The following EBPL variants were observed in gnomAD, a reference collection of about 807,000 sequenced individuals.
The protein encoded by EBPL is emopamil-binding protein-like.
EBPL carries 20 observed loss-of-function variants against 19.0 expected under a neutral mutation model. That is an observed-to-expected ratio of 1.05 (90% CI 0.74 to 1.53). The LOEUF (loss-of-function observed/expected upper bound fraction) is 1.53, where lower values mean the gene tolerates loss of function less well. EBPL is among the 40% of genes most tolerant of loss of function. The pLI is 0.00. For missense variants in EBPL, 219 were observed against 261.1 expected (o/e 0.84, Z 1.11); for synonymous variants, 107 against 117.0 (o/e 0.91, Z 0.55).
intron 1 of EBPL, among the ~76,000 whole-genome samples, chr13:49,670,180 T>G (rs1011945944): frequency 2.6e-5 from 4 of 152,214 alleles, no homozygotes; most frequent in African/African-American, 9.7e-5. Context: ...CTCTAGATTA[T>G]TCCAGGGATC....
At chr13:49,674,215 GC>G (rs1225723395) in intron 1 of EBPL, among the ~76,000 whole-genome samples, 2 of 152,092 alleles carry the variant, frequency 1.3e-5, no homozygotes, top group African/African-American at 4.8e-5. Context: ...CAATTCTCCT[GC>G]CTCAGCCTCC....
chr13:49,686,877 C>A (rs1268283916), intron 1 of EBPL, among the ~76,000 whole-genome samples: 1 of 152,132 alleles, frequency 6.6e-6, no homozygotes, highest in East Asian at 1.9e-4. Flanking sequence ...CTCACTGCAG[C>A]CTCAATCTCC....
intron 1 of EBPL, among the ~76,000 whole-genome samples, chr13:49,690,085 G>A (rs912694311): frequency 6.6e-6 from 1 of 151,086 alleles, no homozygotes; most frequent in African/African-American, 2.4e-5. Context: ...AAGGGGCGGA[G>A]GTTGCAGTGA....
intron 1 of EBPL, among the ~76,000 whole-genome samples, chr13:49,690,502 T>C (rs1252926381): frequency 1.4e-5 from 2 of 140,658 alleles, no homozygotes; most frequent in Non-Finnish European, 1.6e-5. Flanking sequence ...TGCGCGTGTG[T>C]GGTGGGGGGC....
intron 1 of EBPL, among the ~76,000 whole-genome samples, chr13:49,688,713 C>T (rs1270732443): frequency 1.8e-4 from 20 of 114,150 alleles, no homozygotes; most frequent in African/African-American, 6.0e-4. Flanking sequence ...AGCGAGACTC[C>T]GTCTCAAAAA....
chr13:49,675,234 G>A (rs774265747), intron 1 of EBPL, among the ~76,000 whole-genome samples: 4 of 152,156 alleles, frequency 2.6e-5, no homozygotes, highest in South Asian at 2.1e-4. Context: ...AAACCTGTAC[G>A]GCATTACTGT....
intron 2 of EBPL, among the ~76,000 whole-genome samples, chr13:49,668,733 T>C (rs889695029): frequency 3.3e-5 from 5 of 152,110 alleles, no homozygotes; most frequent in Admixed American, 6.5e-5. Flanking sequence ...TAATTGAATA[T>C]TGACTGACAA....
In EBPL at chr13:49,663,052, C is replaced by A. The variant is rs1463728001; in HGVS notation, c.380+5G>T. On this transcript the variant is annotated splice_donor_5th_base_variant and intron_variant, in intron 3 of 3. Transcript: ENST00000242827. ...CTTCCAGCAGGACAGAAGAAGGGCACCTACCGGTAATATTTTTCTTTGACT... is the reference window on the plus strand; with the variant it reads ...CTTCCAGCAGGACAGAAGAAGGGCAACTACCGGTAATATTTTTCTTTGACT... 2 of 1,613,338 alleles carry A rather than the reference C, an allele frequency of 1.2e-6. No individual in the cohort carries two copies. The highest frequency in any genetic ancestry group is 3.3e-5 in the Admixed American group (2 of 59,984).
chr13:49,686,636 G>C, intron 1 of EBPL: 1 of 1,285,814 alleles, frequency 7.8e-7, no homozygotes, highest in Non-Finnish European at 1.0e-6. Context: ...TTATTCCTCA[G>C]CTCTTTCACC....
chr13:49,663,159 T>C lies in EBPL; in HGVS notation c.278A>G (p.Tyr93Cys). ...EYGKADARWV[Y>C]FDPTIVSVEI... ...CACAGACACAATGGTTGGATCAAAA[T>C]AAACCCATCTTGCATCAGCTTTGCC... Residue 93 changes from tyrosine (Y) to cysteine (C), a missense_variant, in exon 3 of 4, where the codon TAT becomes TGT. Physicochemically the swap from Tyr to Cys is radical, Grantham distance 194. This residue lies in a region of EBPL where 170 missense variants were observed against 167.0 expected (regional missense o/e 1.02). Coordinates refer to ENST00000242827, the MANE Select transcript of EBPL (RefSeq NM_032565.5). The C allele has an allele frequency of 6.2e-7, 1 of 1,614,168 alleles. No homozygotes were observed. The highest frequency in any genetic ancestry group is 8.5e-7 in the Non-Finnish European group (1 of 1,180,024).
chr13:49,682,614 T>A (rs908445059), intron 1 of EBPL, among the ~76,000 whole-genome samples: 1 of 152,224 alleles, frequency 6.6e-6, no homozygotes, highest in African/African-American at 2.4e-5. Flanking sequence ...TCTTGGATGA[T>A]CCCTGGATGA....
Position 49,660,740 on chromosome 13 carries a change from T to G in EBPL, c.*228A>C. On this transcript the variant is annotated 3_prime_UTR_variant, in exon 4 of 4. Coordinates refer to ENST00000242827, the MANE Select transcript of EBPL (RefSeq NM_032565.5). ...CAGCCATAAAATGTATAATTAAACA[T>G]TTTATTATTACAAATTCAAATTTGT... The G allele has an allele frequency of 2.3e-6, 1 of 441,114 alleles. No individual in the cohort carries two copies. The highest frequency in any genetic ancestry group is 4.0e-6 in the Non-Finnish European group (1 of 250,414). 27.3% of individuals were successfully genotyped at this position (441,114 alleles called of 1,614,324 possible). A position where few individuals can be genotyped will look rare whatever the true frequency, so the allele number is the denominator to read the frequency against.
chr13:49,671,928 C>T (rs1452254282), intron 1 of EBPL, among the ~76,000 whole-genome samples: 2 of 152,192 alleles, frequency 1.3e-5, no homozygotes, highest in African/African-American at 4.8e-5. Flanking sequence ...AAATCCGTTT[C>T]CTTTTACATC....
At chr13:49,673,280 C>G (rs1427142943) in intron 1 of EBPL, among the ~76,000 whole-genome samples, 1 of 152,128 alleles carries the variant, frequency 6.6e-6, no homozygotes, top group African/African-American at 2.4e-5. Flanking sequence ...CCAGCAATTC[C>G]ACAGTTGGGT....
intron 1 of EBPL, 110 bp from the exon 2 acceptor site, chr13:49,669,956 A>C: frequency 1.2e-5 from 10 of 816,886 alleles, no homozygotes; most frequent in Non-Finnish European, 2.0e-5. Context: ...TCCATGGCTC[A>C]CATCCTGGCC....
chr13:49,671,205 T>G (rs926965193), intron 1 of EBPL, among the ~76,000 whole-genome samples: 2 of 152,204 alleles, frequency 1.3e-5, no homozygotes, highest in Non-Finnish European at 2.9e-5. Context: ...TGGTGCAACC[T>G]CAGCTCACTG....
At chr13:49,691,109 C>G in intron 1 of EBPL, 145 bp downstream of exon 1, 1 of 728,392 alleles carries the variant, frequency 1.4e-6, no homozygotes, top group Non-Finnish European at 1.9e-6. Context: ...GGCCTCCAGG[C>G]GCCTCTCAGC....
chr13:49,662,454 A>G (rs930646828), intron 3 of EBPL, among the ~76,000 whole-genome samples: 1 of 152,194 alleles, frequency 6.6e-6, no homozygotes, highest in Non-Finnish European at 1.5e-5. Context: ...GGATGGACGT[A>G]TTATGGTTTT....
At chr13:49,670,863 C>T (rs1953808459) in intron 1 of EBPL, among the ~76,000 whole-genome samples, 1 of 152,220 alleles carries the variant, frequency 6.6e-6, no homozygotes, top group African/African-American at 2.4e-5. Flanking sequence ...CTCTACCAGG[C>T]TCCCCGCACC....
Sources: allele counts gnomAD v4.1 joint callset (sites outside exome capture counted in the v4.1 genomes callset), GRCh38; gene constraint gnomAD v4.1.1; regional missense constraint gnomAD v4.1.1; transcripts MANE v1.5; gene names NCBI Gene and HGNC (gene_info 2026-07-23, HGNC 2026-07-21).